MGMT: variants seen among roughly 807,000 people sequenced by gnomAD.
The protein encoded by MGMT is methylated-DNA--protein-cysteine methyltransferase.
Under a neutral mutation model 15.9 loss-of-function variants are expected in MGMT, and 14 were observed. The ratio of observed to expected loss-of-function variants is 0.88; its 90% CI spans 0.58 to 1.37. The LOEUF is 1.37. MGMT is among the 40% of genes most tolerant of loss of function. MGMT has a pLI of 0.00. For synonymous variants in MGMT, 130 were observed against 118.2 expected (o/e 1.10, Z -0.65); for missense variants, 282 against 268.1 (o/e 1.05, Z -0.36).
chr10:129,657,154 T>C (rs1847533478), intron 2 of MGMT, among the ~76,000 whole-genome samples: 1 of 152,022 alleles, frequency 6.6e-6, no homozygotes, highest in African/African-American at 2.4e-5. Flanking sequence ...GTCTTGGGGA[T>C]TTAAGTGTGT....
At chr10:129,712,750 C>A (rs1245191055) in intron 3 of MGMT, among the ~76,000 whole-genome samples, 1 of 152,146 alleles carries the variant, frequency 6.6e-6, no homozygotes, top group Non-Finnish European at 1.5e-5. Context: ...TACTTGGGTC[C>A]TCACCGGAGC....
At chr10:129,641,349 G>A (rs1413343573) in intron 2 of MGMT, among the ~76,000 whole-genome samples, 1 of 152,182 alleles carries the variant, frequency 6.6e-6, no homozygotes, top group Non-Finnish European at 1.5e-5. Context: ...TAGATTGGAA[G>A]ACTCAATATT....
intron 2 of MGMT, among the ~76,000 whole-genome samples, chr10:129,544,472 G>A (rs1031702196): frequency 7.9e-5 from 12 of 152,330 alleles, no homozygotes; most frequent in African/African-American, 1.9e-4. Context: ...GTGTAGCCCC[G>A]TGCACAGTAT....
intron 2 of MGMT, among the ~76,000 whole-genome samples, chr10:129,554,534 T>C (rs968226137): frequency 6.6e-6 from 1 of 152,176 alleles, no homozygotes; most frequent in Admixed American, 6.5e-5. Flanking sequence ...TGTTTTTGTT[T>C]CTGTTTACTG....
chr10:129,601,323 G>C (rs1846819095), intron 2 of MGMT, among the ~76,000 whole-genome samples: 1 of 152,196 alleles, frequency 6.6e-6, no homozygotes, highest in African/African-American at 2.4e-5. Flanking sequence ...ACTGGGAACA[G>C]CAACAAAAGT....
intron 2 of MGMT, among the ~76,000 whole-genome samples, chr10:129,559,246 G>T (rs573959448): frequency 6.6e-6 from 1 of 152,100 alleles, no homozygotes; most frequent in African/African-American, 2.4e-5. Context: ...TACACCACAC[G>T]TCCAATATTT....
At chr10:129,546,494 C>A (rs767030074) in intron 2 of MGMT, among the ~76,000 whole-genome samples, 3 of 152,114 alleles carry the variant, frequency 2.0e-5, no homozygotes, top group Non-Finnish European at 2.9e-5. Context: ...GTGCTTCCTC[C>A]CAGGGCTAGG....
At chr10:129,500,538 T>G (rs182069029) in intron 1 of MGMT, among the ~76,000 whole-genome samples, 3 of 152,334 alleles carry the variant, frequency 2.0e-5, no homozygotes, top group African/African-American at 7.2e-5. Context: ...AGGATTGATT[T>G]TATTAATATT....
At chr10:129,563,551 A>AT (rs1846304470) in intron 2 of MGMT, among the ~76,000 whole-genome samples, 1 of 152,054 alleles carries the variant, frequency 6.6e-6, no homozygotes, top group African/African-American at 2.4e-5. Context: ...TGAAAATTTA[A>AT]TTTTTTAAAA....
intron 3 of MGMT, among the ~76,000 whole-genome samples, chr10:129,750,967 G>T (rs1009700588): frequency 6.6e-6 from 1 of 151,918 alleles, no homozygotes; most frequent in Non-Finnish European, 1.5e-5. Context: ...CCAATATTTT[G>T]TTGAGGATTT....
At chr10:129,484,928 A>ATTATATATATGTATGTGTGTGTGTATT (rs1845393725) in intron 1 of MGMT, among the ~76,000 whole-genome samples, 1 of 151,740 alleles carries the variant, frequency 6.6e-6, no homozygotes, top group Non-Finnish European at 1.5e-5. Flanking sequence ...GTGTGTGTGT[A>ATTATATATATGTATGTGTGTGTGTATT]TTATATATAT....
intron 1 of MGMT, among the ~76,000 whole-genome samples, chr10:129,531,146 C>T (rs1322594067): frequency 6.6e-6 from 1 of 152,078 alleles, no homozygotes; most frequent in Non-Finnish European, 1.5e-5. Context: ...GTTGAATGGC[C>T]CTCTCTTGAG....
At chr10:129,651,642 A>G (rs1228115996) in intron 2 of MGMT, among the ~76,000 whole-genome samples, 2 of 152,168 alleles carry the variant, frequency 1.3e-5, no homozygotes, top group African/African-American at 2.4e-5. Flanking sequence ...TGAGGGGAAA[A>G]GTGTCGCCTA....
chr10:129,720,459 CG>C (rs1848356971), intron 3 of MGMT, among the ~76,000 whole-genome samples: 1 of 152,206 alleles, frequency 6.6e-6, no homozygotes, highest in African/African-American at 2.4e-5. Context: ...CCCACAGCAC[CG>C]GGCTGTCTGC....
chr10:129,728,726 G>C (rs1394564090), intron 3 of MGMT, among the ~76,000 whole-genome samples: 1 of 151,918 alleles, frequency 6.6e-6, no homozygotes, highest in Non-Finnish European at 1.5e-5. Context: ...CATGGTCCCT[G>C]TTGTGTGCCC....
rs184461826 is a variant in MGMT, at chr10:129,528,090, A to G, written c.-12-8151A>G. 1.4e-4 allele frequency among the ~76,000 whole-genome samples: 21 copies of G among 146,480 alleles called. No individual in the cohort carries two copies. The East Asian group carries it at 3.9e-3, about 27-fold the overall frequency. ...GTTCTCCTTCTGAATTCCTATCTCA[A>G]TTATCATTGCATGATTCATATAATT... On this transcript the variant is annotated intron_variant, in intron 1 of 4. Transcript: ENST00000651593.
intron 3 of MGMT, among the ~76,000 whole-genome samples, chr10:129,722,170 A>G (rs182738721): frequency 1.3e-5 from 2 of 152,304 alleles, no homozygotes; most frequent in East Asian, 1.9e-4. Context: ...AATGTTGAAA[A>G]TAACTATTAA....
Position 129,532,159 on chromosome 10 carries a change from C to T in MGMT, c.-12-4082C>T, listed in dbSNP as rs1011443177. The stretch of plus-strand genomic sequence containing the variant: ...GGGAGCTGGTTCAGAGGGCTTGAGG[C>T]CAGCCTGCCCTTTGGATGAGAGGCC... On this transcript the variant is annotated intron_variant, in intron 1 of 4. Transcript: ENST00000651593. The surrounding 1 kb of genome is among the most constrained non-coding windows in gnomAD (Gnocchi z 5.3). 2.6e-5 allele frequency among the ~76,000 whole-genome samples: 4 copies of T among 152,214 alleles called. No homozygotes were observed. Among genetic ancestry groups the T allele is most frequent in the Non-Finnish European group, 4.4e-5 (3 of 68,042 alleles).
At chr10:129,548,771 T>C (rs1269480647) in intron 2 of MGMT, among the ~76,000 whole-genome samples, 1 of 152,012 alleles carries the variant, frequency 6.6e-6, no homozygotes, top group Admixed American at 6.5e-5. Flanking sequence ...AGATTTGACA[T>C]GAACGCAAAT....
Sources: allele counts gnomAD v4.1 joint callset (sites outside exome capture counted in the v4.1 genomes callset), GRCh38; gene constraint gnomAD v4.1.1; non-coding constraint Gnocchi (gnomAD v3.1); transcripts MANE v1.5; gene names NCBI Gene and HGNC (gene_info 2026-07-23, HGNC 2026-07-21).